SNTB2: variants seen among roughly 807,000 people sequenced by gnomAD.
SNTB2 encodes syntrophin beta 2.
Under a neutral mutation model 46.2 loss-of-function variants are expected in SNTB2, and 34 were observed. That is an observed-to-expected ratio of 0.74 (90% CI 0.56 to 0.98). The LOEUF is 0.98. Ranked by LOEUF, SNTB2 falls within the 50% of genes least tolerant of loss-of-function variation. SNTB2 has a pLI of 0.00. For synonymous variants in SNTB2, 290 were observed against 312.6 expected (o/e 0.93, Z 0.76); for missense variants, 603 against 731.4 (o/e 0.82, Z 2.02).
chr16:69,235,005 C>T (rs1219248305), intron 1 of SNTB2, among the ~76,000 whole-genome samples: 1 of 152,026 alleles, frequency 6.6e-6, no homozygotes, highest in African/African-American at 2.4e-5. Flanking sequence ...GCCCGGCTCT[C>T]AACTTGGTTC....
intron 1 of SNTB2, among the ~76,000 whole-genome samples, chr16:69,244,868 C>T (rs544609682): frequency 6.6e-6 from 1 of 152,240 alleles, no homozygotes; most frequent in Admixed American, 6.5e-5. Flanking sequence ...GCTCATTTGC[C>T]CTTGTGTCTT....
At chr16:69,253,962 G>A (rs1358386296) in intron 2 of SNTB2, among the ~76,000 whole-genome samples, 2 of 152,128 alleles carry the variant, frequency 1.3e-5, no homozygotes, top group Non-Finnish European at 2.9e-5. Flanking sequence ...ATTCCTATCT[G>A]TAGTGCTAAG....
At chr16:69,238,346 C>T (rs1270072453) in intron 1 of SNTB2, among the ~76,000 whole-genome samples, 1 of 152,124 alleles carries the variant, frequency 6.6e-6, no homozygotes, top group African/African-American at 2.4e-5. Context: ...TCCTTCAGGC[C>T]TACATGTGGA....
At chr16:69,228,602 G>A (rs1035724432) in intron 1 of SNTB2, among the ~76,000 whole-genome samples, 1 of 151,244 alleles carries the variant, frequency 6.6e-6, no homozygotes, top group Non-Finnish European at 1.5e-5. Context: ...GTAATTGGCA[G>A]AACTGGAATT....
At chr16:69,205,266 C>T (rs1212908361) in intron 1 of SNTB2, among the ~76,000 whole-genome samples, 1 of 151,328 alleles carries the variant, frequency 6.6e-6, no homozygotes, top group Non-Finnish European at 1.5e-5. Context: ...TCTCCTGCCT[C>T]AGCCTTCCAA....
chr16:69,266,855 T>C (rs1197454684), intron 3 of SNTB2, among the ~76,000 whole-genome samples: 1 of 152,116 alleles, frequency 6.6e-6, no homozygotes, highest in Non-Finnish European at 1.5e-5. Context: ...TCGCTGGGAC[T>C]ACAGATGCAC....
At chr16:69,274,421 C>T (rs184933268) in intron 4 of SNTB2, among the ~76,000 whole-genome samples, 2 of 150,794 alleles carry the variant, frequency 1.3e-5, no homozygotes, top group East Asian at 2.0e-4. Context: ...TGGGAGGCCA[C>T]GGCGGGTGGA....
At chr16:69,202,547 C>A (rs1964173229) in intron 1 of SNTB2, among the ~76,000 whole-genome samples, 1 of 151,934 alleles carries the variant, frequency 6.6e-6, no homozygotes, top group Admixed American at 6.6e-5. Context: ...GGATTACAGA[C>A]ACACACTACC....
At chr16:69,292,390 T>TATAAAA (rs1491243599) in intron 5 of SNTB2, among the ~76,000 whole-genome samples, 1 of 12,750 alleles carries the variant, frequency 7.8e-5, no homozygotes, top group African/African-American at 5.4e-4. Flanking sequence ...TATATATATA[T>TATAAAA]TATATATATA....
intron 1 of SNTB2, among the ~76,000 whole-genome samples, chr16:69,203,913 G>GA (rs1964189431): frequency 6.6e-6 from 1 of 151,760 alleles, no homozygotes; most frequent in Admixed American, 6.6e-5. Flanking sequence ...TTATTTCTGA[G>GA]ATGGAGTATT....
chr16:69,266,571 C>T (rs1288921799), intron 3 of SNTB2, among the ~76,000 whole-genome samples: 3 of 152,130 alleles, frequency 2.0e-5, no homozygotes, highest in Non-Finnish European at 2.9e-5. Flanking sequence ...TTGAACATTG[C>T]TCCTATTGGC....
At chr16:69,299,551 G>A in intron 5 of SNTB2, 39 bp from the exon 6 acceptor site, 2 of 1,593,000 alleles carry the variant, frequency 1.3e-6, no homozygotes, top group South Asian at 1.1e-5. Flanking sequence ...AACTGACATA[G>A]CAACTTTACA....
intron 1 of SNTB2, among the ~76,000 whole-genome samples, chr16:69,230,747 CTTT>C (rs564432836): frequency 2.9e-5 from 4 of 136,728 alleles, no homozygotes; most frequent in Non-Finnish European, 4.8e-5. Context: ...CCGTTTCTTT[CTTT>C]TTTTTTTTTT....
At chr16:69,280,779 C>T (rs867539818) in intron 4 of SNTB2, among the ~76,000 whole-genome samples, 41 of 151,668 alleles carry the variant, frequency 2.7e-4, no homozygotes, top group Middle Eastern at 6.8e-3. Flanking sequence ...TTTTTTTGTC[C>T]GCAGCTTGTC....
intron 1 of SNTB2, among the ~76,000 whole-genome samples, chr16:69,218,997 G>A (rs570358512): frequency 1.7e-4 from 26 of 152,288 alleles, no homozygotes; most frequent in Non-Finnish European, 4.4e-5. Context: ...CTTACATCTT[G>A]TTGGCCATAA....
chr16:69,187,268 G>C lies in SNTB2; in HGVS notation c.102G>C (p.Glu34Asp). The change falls in exon 1 of 7, where the codon GAG (glutamate) becomes GAC (aspartate). Residue 34 changes from glutamate (E) to aspartate (D), a missense_variant. Physicochemically the swap from Glu to Asp is conservative, Grantham distance 45 (BLOSUM62 2). Transcript: ENST00000336278. ...KAGLVELLLR[E>D]RWVRVVAELS... ...GGCTGGTGGAGCTGCTCCTGAGGGA[G>C]CGCTGGGTCCGAGTGGTGGCCGAGC... 1 of 1,489,596 alleles carries C rather than the reference G, an allele frequency of 6.7e-7. No homozygotes were observed. Among genetic ancestry groups the C allele is most frequent in the African/African-American group, 1.4e-5 (1 of 69,814 alleles). 92.3% of individuals were successfully genotyped at this position (1,489,596 alleles called of 1,614,324 possible). A position where few individuals can be genotyped will look rare whatever the true frequency, so the allele number is the denominator to read the frequency against.
chr16:69,213,084 C>G (rs967456929), intron 1 of SNTB2, among the ~76,000 whole-genome samples: 3 of 152,056 alleles, frequency 2.0e-5, no homozygotes, highest in African/African-American at 7.2e-5. Flanking sequence ...GTGACAGTGG[C>G]AAGTCTTTTT....
intron 2 of SNTB2, among the ~76,000 whole-genome samples, chr16:69,257,351 T>C (rs775250179): frequency 3.2e-4 from 49 of 151,958 alleles, no homozygotes; most frequent in Admixed American, 8.5e-4. Flanking sequence ...CTGAAAGTTT[T>C]CCTCTGAGTA....
chr16:69,228,504 T>TAAA (rs1478745859), intron 1 of SNTB2, among the ~76,000 whole-genome samples: 1 of 68,938 alleles, frequency 1.5e-5, no homozygotes, highest in South Asian at 4.2e-4. Flanking sequence ...AGACTCTATC[T>TAAA]CAAAAAAAAA....
Sources: allele counts gnomAD v4.1 joint callset (sites outside exome capture counted in the v4.1 genomes callset), GRCh38; gene constraint gnomAD v4.1.1; transcripts MANE v1.5; gene names NCBI Gene and HGNC (gene_info 2026-07-23, HGNC 2026-07-21).